COG5: variants seen among roughly 807,000 people sequenced by gnomAD.
COG5 encodes component of oligomeric golgi complex 5.
In COG5, 86 loss-of-function variants were observed where a neutral mutation model predicts 110.4. That is an observed-to-expected ratio of 0.78 (90% CI 0.65 to 0.93). The LOEUF (loss-of-function observed/expected upper bound fraction) is 0.93, where lower values mean the gene tolerates loss of function less well. Among genes scored for constraint, COG5 ranks in the 40% least tolerant of loss-of-function variants. The pLI is 0.00. For missense variants in COG5, 1,077 were observed against 987.0 expected, an observed-to-expected ratio of 1.09 and a Z score of -1.22; for synonymous variants, 360 against 334.6, an observed-to-expected ratio of 1.08 and a Z score of -0.83.
chr7:107,230,902 T>A (rs1043619617), intron 18 of COG5, among the ~76,000 whole-genome samples: 1 of 128,534 alleles, frequency 7.8e-6, no homozygotes, highest in African/African-American at 3.6e-5. Context: ...ATGAGACAAT[T>A]CCTTCATGAA....
rs572965648 is a variant in COG5, at chr7:107,211,071, A to C, written c.2295+28T>G. ...CACAGGTAATGGGAAGAGTCACAAA[A>C]GGGTTCTGGCTTGACTTTATTTATT... On this transcript the variant is annotated intron_variant, in intron 20 of 21. Coordinates refer to ENST00000297135, the MANE Select transcript of COG5 (RefSeq NM_006348.5). 9.3e-6 allele frequency: 15 copies of C among 1,612,844 alleles called. No homozygotes were observed. The African/African-American group carries it at 1.9e-4, about 20-fold the overall frequency.
intron 6 of COG5, among the ~76,000 whole-genome samples, chr7:107,479,938 A>G (rs528196337): frequency 6.6e-6 from 1 of 152,286 alleles, no homozygotes; most frequent in Non-Finnish European, 1.5e-5. Context: ...GAAACACACA[A>G]ATGTCATCCT....
chr7:107,265,268 C>T (rs910123077), intron 14 of COG5, among the ~76,000 whole-genome samples: 4 of 152,108 alleles, frequency 2.6e-5, no homozygotes, highest in African/African-American at 9.7e-5. Context: ...GTGACACAGA[C>T]AAAAATAATT....
chr7:107,340,631 A>C (rs939004863), intron 10 of COG5, among the ~76,000 whole-genome samples: 37 of 152,344 alleles, frequency 2.4e-4, no homozygotes, highest in Non-Finnish European at 4.6e-4. Context: ...AAAAATTCCC[A>C]ACAAAATACT....
At chr7:107,362,202 G>C (rs1321099979) in intron 9 of COG5, 92 bp from the exon 10 acceptor site, 1 of 1,317,626 alleles carries the variant, frequency 7.6e-7, no homozygotes, top group Non-Finnish European at 1.1e-6. Context: ...GCTAGTGGAG[G>C]TATTTTGAAT....
At chr7:107,554,075 G>A (rs1485582461) in intron 3 of COG5, among the ~76,000 whole-genome samples, 2 of 152,182 alleles carry the variant, frequency 1.3e-5, no homozygotes, top group Non-Finnish European at 2.9e-5. Context: ...GGCCAGCAAA[G>A]TTTCACTAAA....
chr7:107,416,891 A>C (rs1792887375), intron 6 of COG5, among the ~76,000 whole-genome samples: 1 of 152,234 alleles, frequency 6.6e-6, no homozygotes, highest in South Asian at 2.1e-4. Context: ...TACTGTTTTC[A>C]TTAAAGATAT....
At chr7:107,478,838 T>G (rs1019480207) in intron 6 of COG5, among the ~76,000 whole-genome samples, 6 of 152,046 alleles carry the variant, frequency 3.9e-5, no homozygotes, top group South Asian at 2.1e-4. Flanking sequence ...GGTCAAAAAA[T>G]CTAAAATCAT....
chr7:107,348,241 AAT>A (rs1460168224), intron 10 of COG5, among the ~76,000 whole-genome samples: 1 of 151,712 alleles, frequency 6.6e-6, no homozygotes, highest in Non-Finnish European at 1.5e-5. Context: ...AAAATTTTTC[AAT>A]ATATATTCCT....
Position 107,269,932 on chromosome 7 carries a change from C to T in COG5, c.1575+11368G>A, listed in dbSNP as rs545614048. ...ACGAGGAATTCTGGAAAAGCAAGAGCATTTAATCAGTTTTAAGTCTGTCAG... is the reference window on the plus strand; with the variant it reads ...ACGAGGAATTCTGGAAAAGCAAGAGTATTTAATCAGTTTTAAGTCTGTCAG... On this transcript the variant is annotated intron_variant, in intron 14 of 21. Transcript: ENST00000297135. Among the ~76,000 whole-genome samples the T allele has an allele frequency of 1.9e-4, 29 of 152,290 alleles. No individual in the cohort carries two copies. The South Asian group carries it at 5.6e-3, about 29-fold the overall frequency.
At chr7:107,210,697 C>T in intron 20 of COG5, 92 bp from the exon 21 acceptor site, 1 of 1,391,388 alleles carries the variant, frequency 7.2e-7, no homozygotes. Context: ...TCAAGTATTC[C>T]CAAGGTGAAA....
In COG5 at chr7:107,201,710, C is replaced by T; in HGVS notation, c.*1806G>A. 2.8e-6 allele frequency: 1 copy of T among 352,648 alleles called. No individual in the cohort carries two copies. Among genetic ancestry groups the T allele is most frequent in the Non-Finnish European group, 5.1e-6 (1 of 194,568 alleles). 21.8% of individuals were successfully genotyped at this position (352,648 alleles called of 1,614,324 possible). A position where few individuals can be genotyped will look rare whatever the true frequency, so the allele number is the denominator to read the frequency against. On this transcript the variant is annotated 3_prime_UTR_variant, in exon 22 of 22. Coordinates refer to ENST00000297135, the MANE Select transcript of COG5 (RefSeq NM_006348.5). The stretch of plus-strand genomic sequence containing the variant: ...TAATAATAGGCTTGAAAATTGATAT[C>T]CTGTGGTGCTAAAGTACAGTAGAAA...
chr7:107,353,860 CAT>C (rs937646684), intron 10 of COG5, among the ~76,000 whole-genome samples: 2 of 146,382 alleles, frequency 1.4e-5, no homozygotes, highest in Non-Finnish European at 1.5e-5. Context: ...ATCCCACTAT[CAT>C]GTGGGATTTT....
At chr7:107,486,475 A>T (rs1382323579) in intron 6 of COG5, among the ~76,000 whole-genome samples, 1 of 152,214 alleles carries the variant, frequency 6.6e-6, no homozygotes, top group East Asian at 1.9e-4. Context: ...TTTCAAATGT[A>T]GAATTAAGAT....
chr7:107,296,581 C>CT (rs35340234), intron 12 of COG5, among the ~76,000 whole-genome samples: 34,308 of 123,332 alleles, frequency 0.28, 4,762 homozygotes, highest in Middle Eastern at 0.37. Context: ...CAAAACTACT[C>CT]TTTTTTTTTT....
intron 21 of COG5, chr7:107,209,050 T>G (rs1798974168): frequency 2.9e-5 from 29 of 983,684 alleles, no homozygotes; most frequent in Non-Finnish European, 3.5e-5. Context: ...TTCCAAGCTA[T>G]GTAAATGATT....
rs896182625 is a variant in COG5, at chr7:107,517,890, G to C, written c.538+9347C>G. On this transcript the variant is annotated intron_variant, in intron 6 of 21. Transcript: ENST00000297135. ...TTTTTCTATTTTCAGTAGAGAAGGG[G>C]TTTCACTATGTTGGTCAGGCTGGTC... Among the ~76,000 whole-genome samples the C allele has an allele frequency of 2.0e-5, 3 of 151,978 alleles. No individual in the cohort carries two copies. In the East Asian group the frequency reaches 5.8e-4, roughly 29 times the overall value.
At chr7:107,214,076 A>G (rs1799350076) in intron 19 of COG5, among the ~76,000 whole-genome samples, 1 of 152,196 alleles carries the variant, frequency 6.6e-6, no homozygotes, top group African/African-American at 2.4e-5. Context: ...AACAGAAACT[A>G]TAACAAAAAC....
At chr7:107,221,729 C>T (rs2116313440) in intron 19 of COG5, among the ~76,000 whole-genome samples, 1 of 149,360 alleles carries the variant, frequency 6.7e-6, no homozygotes, top group Admixed American at 6.7e-5. Flanking sequence ...CATGCCACTG[C>T]ACTCCAGCCT....
Sources: allele counts gnomAD v4.1 joint callset (sites outside exome capture counted in the v4.1 genomes callset), GRCh38; gene constraint gnomAD v4.1.1; transcripts MANE v1.5; gene names NCBI Gene and HGNC (gene_info 2026-07-23, HGNC 2026-07-21).